AK2: variants seen among roughly 807,000 people sequenced by gnomAD.
AK2 encodes adenylate kinase 2, mitochondrial.
AK2 carries 15 observed loss-of-function variants against 24.6 expected under a neutral mutation model. The observed-to-expected ratio is 0.61, with a 90% confidence interval of 0.41 to 0.94. The LOEUF (loss-of-function observed/expected upper bound fraction) is 0.94, where lower values mean the gene tolerates loss of function less well. AK2 is among the 40% of genes least tolerant of loss of function. The probability of loss-of-function intolerance (pLI) is 0.00; values close to 1 mark genes in which losing one functional copy is unlikely to be tolerated. For synonymous variants in AK2, 102 were observed against 114.0 expected (o/e 0.90, Z 0.67); for missense variants, 257 against 304.1 (o/e 0.85, Z 1.15).
In AK2 at chr1:33,021,019, A is replaced by T. The variant is rs552788002; in HGVS notation, c.425+348T>A. Among the ~76,000 whole-genome samples the T allele has an allele frequency of 1.8e-3, 266 of 149,678 alleles. 1 individual carries two copies. The highest frequency in any genetic ancestry group is 6.1e-3 in the African/African-American group (249 of 40,574). The stretch of plus-strand genomic sequence containing the variant: ...AAATTAGCCAGCCCTGGTGGCAGAC[A>T]CCTATAATCCCAGCTACTTGGGAGG... On this transcript the variant is annotated intron_variant, in intron 4 of 5. Transcript: ENST00000672715.
Position 33,021,438 on chromosome 1 carries a change from C to T in AK2, c.354G>A (p.Arg118=). The change falls in exon 4 of 6, where the codon AGG becomes AGA. Residue 118 remains arginine (R), a synonymous_variant. Transcript: ENST00000672715. ...CAATCACAGAATCAAGCTTCTCTTTCCTCTTCTCCATGAGGTCATCGAGCT... is the reference window on the plus strand; with the variant it reads ...CAATCACAGAATCAAGCTTCTCTTTTCTCTTCTCCATGAGGTCATCGAGCT... ...AEMLDDLMEK[R]KEKLDSVIEF... 1 of 1,614,142 alleles carries T rather than the reference C, an allele frequency of 6.2e-7. No homozygotes were observed. Among genetic ancestry groups the T allele is most frequent in the Non-Finnish European group, 8.5e-7 (1 of 1,180,022 alleles).
chr1:33,020,188 A>AACACACACACACACACACACACACAC (rs56098182), intron 4 of AK2: 1 of 809,340 alleles, frequency 1.2e-6, no homozygotes, highest in African/African-American at 1.7e-5. Flanking sequence ...AACATGTTAA[A>AACACACACACACACACACACACACAC]ACACACACAC....
Position 33,014,252 on chromosome 1 carries a change from G to T in AK2, c.498+270C>A. 8 of 372,154 alleles carry T rather than the reference G, an allele frequency of 2.1e-5. 1 individual carries two copies. Among genetic ancestry groups the T allele is most frequent in the South Asian group, 1.7e-4 (8 of 46,850 alleles). 23.1% of individuals were successfully genotyped at this position (372,154 alleles called of 1,614,324 possible). On this transcript the variant is annotated intron_variant, in intron 5 of 5. Coordinates refer to ENST00000672715, the MANE Select transcript of AK2 (RefSeq NM_001625.4). The stretch of plus-strand genomic sequence containing the variant: ...AGGTGGCCATGATGCCAGAAAAGGG[G>T]CTGCTCTTGACAGAAGACAGGTACA...
intron 1 of AK2, chr1:33,031,643 C>T (rs1640241178): frequency 4.4e-6 from 2 of 456,062 alleles, no homozygotes; most frequent in Non-Finnish European, 8.8e-6. Flanking sequence ...ACAAGCCATT[C>T]AAACTTCAGT....
intron 1 of AK2, among the ~76,000 whole-genome samples, chr1:33,025,210 A>AAAAG (rs374054276): frequency 6.6e-6 from 1 of 151,310 alleles, no homozygotes; most frequent in Admixed American, 6.6e-5. Context: ...AAAAAAAAAA[A>AAAAG]GAGAATAAAA....
At chr1:33,019,749 T>C (rs983399701) in intron 4 of AK2, 25 of 1,046,678 alleles carry the variant, frequency 2.4e-5, no homozygotes, top group Non-Finnish European at 2.8e-5. Flanking sequence ...AAACATTTTT[T>C]CCCTAATCCA....
intron 4 of AK2, among the ~76,000 whole-genome samples, chr1:33,017,779 G>C (rs1365285955): frequency 6.6e-6 from 1 of 152,072 alleles, no homozygotes; most frequent in African/African-American, 2.4e-5. Context: ...TTTTGAGATA[G>C]GGTTTTGCTT....
At chr1:33,024,304 G>T in intron 2 of AK2, 138 bp downstream of exon 2, 2 of 1,168,298 alleles carry the variant, frequency 1.7e-6, no homozygotes, top group East Asian at 2.5e-5. Context: ...TTGAAATATG[G>T]CTAGTGCAAC....
At chr1:33,029,058 G>A (rs1027030013) in intron 1 of AK2, among the ~76,000 whole-genome samples, 1 of 152,202 alleles carries the variant, frequency 6.6e-6, no homozygotes, top group Non-Finnish European at 1.5e-5. Flanking sequence ...AGAAAACAGT[G>A]TCTATCTGCT....
Position 33,009,133 on chromosome 1 carries a change from T to C in AK2, c.*4048A>G, listed in dbSNP as rs1638647000. 4.4e-6 allele frequency: 2 copies of C among 452,562 alleles called. No homozygotes were observed. Among genetic ancestry groups the C allele is most frequent in the African/African-American group, 4.0e-5 (2 of 49,880 alleles). The allele number at this position is 452,562 out of a possible 1,614,324, so 28.0% of individuals were successfully genotyped here. ...GGTTCAGGGAACAGGATTTAATATG[T>C]CAGTGAAGACCCTGCCTCTCTCTGT... On this transcript the variant is annotated 3_prime_UTR_variant, in exon 6 of 6. Transcript: ENST00000672715.
rs995991774 is a variant in AK2 at position 33,024,684 on chromosome 1, T to G, written c.94-117A>C. ...GGCTATGTAAACATGGGCAAATGCC[T>G]ACTTCCTTACCTGTAATGGGGATAA... On this transcript the variant is annotated intron_variant, in intron 1 of 5. Coordinates refer to ENST00000672715, the MANE Select transcript of AK2 (RefSeq NM_001625.4). The G allele has an allele frequency of 1.1e-5, 14 of 1,262,910 alleles. No homozygotes were observed. The African/African-American group carries it at 2.1e-4, about 19-fold the overall frequency. 78.2% of individuals were successfully genotyped at this position (1,262,910 alleles called of 1,614,324 possible). A position where few individuals can be genotyped will look rare whatever the true frequency, so the allele number is the denominator to read the frequency against.
chr1:33,022,351 CTTTT>C (rs397862465), intron 2 of AK2, among the ~76,000 whole-genome samples: 13 of 112,366 alleles, frequency 1.2e-4, no homozygotes, highest in Non-Finnish European at 7.2e-5. Flanking sequence ...TCTTCCCTCA[CTTTT>C]TTTTTTTTTT....
chr1:33,014,351 C>G (rs895364080), intron 5 of AK2, 171 bp downstream of exon 5: 3 of 598,218 alleles, frequency 5.0e-6, no homozygotes, highest in Non-Finnish European at 9.3e-6. Flanking sequence ...TGAGGAGACA[C>G]TGAATAGATC....
At chr1:33,028,134 T>C (rs971952116) in intron 1 of AK2, among the ~76,000 whole-genome samples, 2 of 152,214 alleles carry the variant, frequency 1.3e-5, no homozygotes, top group Non-Finnish European at 1.5e-5. Flanking sequence ...AACTTTATTA[T>C]AGTCCCCTCA....
intron 1 of AK2, among the ~76,000 whole-genome samples, chr1:33,034,728 A>G (rs1166862105): frequency 6.6e-6 from 1 of 152,180 alleles, no homozygotes; most frequent in African/African-American, 2.4e-5. Context: ...TTCCATAATT[A>G]CTGAAATTAT....
At chr1:33,018,782 G>A (rs1639350861) in intron 4 of AK2, among the ~76,000 whole-genome samples, 1 of 152,134 alleles carries the variant, frequency 6.6e-6, no homozygotes, top group Non-Finnish European at 1.5e-5. Context: ...ACCACATCAT[G>A]TGGATCATAA....
chr1:33,015,635 G>C (rs980009072), intron 4 of AK2, among the ~76,000 whole-genome samples: 1 of 152,232 alleles, frequency 6.6e-6, no homozygotes, highest in Non-Finnish European at 1.5e-5. Context: ...TTATGCCTGT[G>C]ATCCCAACAC....
At position 33,031,925 on chromosome 1, in the gene AK2, G is replaced by C. The variant is rs551630794; in HGVS notation, c.93+4811C>G. ...TTATTTAAATAAAATAACAAACCCAGGTATTATAGATGTTTTAAAACATTA... is the reference window on the plus strand; with the variant it reads ...TTATTTAAATAAAATAACAAACCCACGTATTATAGATGTTTTAAAACATTA... On this transcript the variant is annotated intron_variant, in intron 1 of 5. Transcript: ENST00000672715. The C allele has an allele frequency of 1.4e-4, 36 of 263,302 alleles. 2 individuals are homozygous for C. Among genetic ancestry groups the C allele is most frequent in the South Asian group, 1.3e-3 (35 of 26,598 alleles). The allele number at this position is 263,302 out of a possible 1,614,324, so 16.3% of individuals were successfully genotyped here.
At chr1:33,017,613 A>G (rs1452212210) in intron 4 of AK2, among the ~76,000 whole-genome samples, 2 of 152,214 alleles carry the variant, frequency 1.3e-5, no homozygotes, top group Non-Finnish European at 2.9e-5. Context: ...CAGAAGGTAA[A>G]TGAAAGAAAC....
Sources: gnomAD v4.1 joint callset for allele counts (sites outside exome capture counted in the v4.1 genomes callset) on GRCh38, gnomAD v4.1.1 for gene constraint, MANE v1.5 for transcripts, NCBI Gene and HGNC (gene_info 2026-07-23, HGNC 2026-07-21) for gene names.